The following OSBPL8 variants were observed in gnomAD, a reference collection of about 807,000 sequenced individuals.
The protein encoded by OSBPL8 is oxysterol binding protein like 8, also known as oxysterol-binding protein-related protein 8.
In OSBPL8, 59 loss-of-function variants were observed where a neutral mutation model predicts 125.5. That is an observed-to-expected ratio of 0.47 (90% confidence interval 0.38 to 0.58). OSBPL8 has a LOEUF of 0.58. Ranked by LOEUF, OSBPL8 falls within the 20% of genes least tolerant of loss-of-function variation. The probability of loss-of-function intolerance (pLI) is 0.00; values close to 1 mark genes in which losing one functional copy is unlikely to be tolerated. For synonymous variants in OSBPL8, 330 were observed against 338.9 expected, an observed-to-expected ratio of 0.97 and a Z score of 0.29; for missense variants, 758 against 1,047.8, an observed-to-expected ratio of 0.72 and a Z score of 3.82.
At chr12:76,533,710 C>G (rs1950414536) in intron 1 of OSBPL8, among the ~76,000 whole-genome samples, 1 of 152,284 alleles carries the variant, frequency 6.6e-6, no homozygotes, top group Non-Finnish European at 1.5e-5. Context: ...AAATTCTAAG[C>G]TGTTATCAAG....
At chr12:76,414,925 T>TTCTA (rs1868444659) in intron 4 of OSBPL8, among the ~76,000 whole-genome samples, 1 of 152,228 alleles carries the variant, frequency 6.6e-6, no homozygotes, top group Non-Finnish European at 1.5e-5. Context: ...TTTCTAATGT[T>TTCTA]AAGTCAATCC....
At chr12:76,539,796 C>T (rs866977304) in intron 1 of OSBPL8, among the ~76,000 whole-genome samples, 1 of 152,138 alleles carries the variant, frequency 6.6e-6, no homozygotes, top group Non-Finnish European at 1.5e-5. Flanking sequence ...GAAGATAGCA[C>T]GATCCCTCAA....
chr12:76,390,058 A>G, intron 11 of OSBPL8: 1 of 407,064 alleles, frequency 2.5e-6, no homozygotes, highest in South Asian at 8.9e-5. Context: ...CACTACAAAA[A>G]TATTATAGCC....
chr12:76,357,841 G>T (rs929923729), intron 22 of OSBPL8, among the ~76,000 whole-genome samples: 1 of 151,504 alleles, frequency 6.6e-6, no homozygotes, highest in Non-Finnish European at 1.5e-5. Context: ...ACTCAGTAGA[G>T]ATTATGGCTT....
At chr12:76,418,186 G>A (rs1411847021) in intron 4 of OSBPL8, among the ~76,000 whole-genome samples, 1 of 151,800 alleles carries the variant, frequency 6.6e-6, no homozygotes, top group African/African-American at 2.4e-5. Flanking sequence ...TGTATTTTTA[G>A]TAGAGATGGG....
intron 4 of OSBPL8, among the ~76,000 whole-genome samples, chr12:76,426,931 T>C (rs941376262): frequency 1.1e-4 from 17 of 152,146 alleles, no homozygotes; most frequent in African/African-American, 4.1e-4. Context: ...TCCTTCCTTC[T>C]ACTCTTTGAG....
At position 76,485,128 on chromosome 12, in the gene OSBPL8, G is replaced by T. The variant is rs183370487; in HGVS notation, c.42+2382C>A. 1.9e-4 allele frequency among the ~76,000 whole-genome samples: 29 copies of T among 151,928 alleles called. 1 individual carries two copies. In the East Asian group the frequency reaches 5.7e-3, roughly 30 times the overall value. The stretch of plus-strand genomic sequence containing the variant: ...AGTAGAGACAGGGTTTCATCATGCT[G>T]GCCAGGCTGGTCTCGAGCTCCTGAC... On this transcript the variant is annotated intron_variant, in intron 2 of 23. Transcript: ENST00000261183.
rs766725056 is a variant in OSBPL8 at position 76,356,013 on chromosome 12, A to G, written c.2546T>C (p.Met849Thr). Reference sequence around the variant, plus strand: ...TGAAACTAAATGATTTCGAAGAGCCATAATATTTCTATAAAAATAAGCAAC... The same window carrying G: ...TGAAACTAAATGATTTCGAAGAGCCGTAATATTTCTATAAAAATAAGCAAC... ...QTQEEIKRNI[M>T]ALRNHLVSST... The change falls in exon 24 of 24, where the codon ATG becomes ACG. Residue 849 changes from methionine (M) to threonine (T), a missense_variant. Met to Thr is a moderately conservative substitution (Grantham distance 81). Around this residue, in one of 3 missense-constraint regions of OSBPL8, gnomAD observed 572 missense variants for 762.0 expected, o/e 0.75. Transcript: ENST00000261183. 6.2e-7 allele frequency: 1 copy of G among 1,606,576 alleles called. No individual in the cohort carries two copies. The highest frequency in any genetic ancestry group is 8.5e-7 in the Non-Finnish European group (1 of 1,177,934).
intron 21 of OSBPL8, among the ~76,000 whole-genome samples, chr12:76,359,576 C>T (rs141062332): frequency 2.0e-5 from 3 of 152,264 alleles, no homozygotes; most frequent in Admixed American, 2.0e-4. Context: ...ATGTATTAGT[C>T]AGTTTTTATG....
intron 12 of OSBPL8, among the ~76,000 whole-genome samples, chr12:76,387,664 T>A (rs1308769495): frequency 6.6e-6 from 1 of 152,154 alleles, no homozygotes; most frequent in Non-Finnish European, 1.5e-5. Context: ...CACAAGCATG[T>A]CTGACAGTCC....
rs1951914868 is a variant in OSBPL8, at chr12:76,354,372, CTCT to C, written c.*1514_*1516del. 1 of 151,730 alleles carries C rather than the reference CTCT, an allele frequency of 6.6e-6. No individual in the cohort carries two copies. Among genetic ancestry groups the C allele is most frequent in the African/African-American group, 2.4e-5 (1 of 41,366 alleles). The allele number at this position is 151,730 out of a possible 1,614,324, so 9.4% of individuals were successfully genotyped here. A position where few individuals can be genotyped will look rare whatever the true frequency, so the allele number is the denominator to read the frequency against. ...TATATTGGTTAGGGAAAAAAGCAGG[CTCT>C]TTTTATCATTTTGATTCTCATAATT... On this transcript the variant is annotated 3_prime_UTR_variant, in exon 24 of 24. Coordinates refer to ENST00000261183, the MANE Select transcript of OSBPL8 (RefSeq NM_020841.5).
At chr12:76,374,223 CAAG>C (rs1323349446) in intron 17 of OSBPL8, among the ~76,000 whole-genome samples, 2 of 151,988 alleles carry the variant, frequency 1.3e-5, no homozygotes, top group Non-Finnish European at 2.9e-5. Context: ...TACTATTGTT[CAAG>C]AACAATTAAT....
rs142895193 is a variant in OSBPL8, at chr12:76,557,224, T to C, written c.-68+2173A>G. ...TACTGTATCAATTCTTTGTCTTTAATGCCTTAATTCAAGTAATCTACTTTT... is the reference window on the plus strand; with the variant it reads ...TACTGTATCAATTCTTTGTCTTTAACGCCTTAATTCAAGTAATCTACTTTT... On this transcript the variant is annotated intron_variant, in intron 1 of 23. Transcript: ENST00000261183. 2.2e-3 allele frequency among the ~76,000 whole-genome samples: 337 copies of C among 152,380 alleles called. 3 individuals are homozygous for C. Among genetic ancestry groups the C allele is most frequent in the African/African-American group, 7.5e-3 (312 of 41,592 alleles).
At chr12:76,366,990 G>A (rs181166952) in intron 21 of OSBPL8, among the ~76,000 whole-genome samples, 5 of 152,224 alleles carry the variant, frequency 3.3e-5, no homozygotes, top group African/African-American at 7.2e-5. Flanking sequence ...AATGTTCCAC[G>A]TACACTTGAG....
At chr12:76,512,217 A>T (rs893748846) in intron 1 of OSBPL8, among the ~76,000 whole-genome samples, 7 of 152,240 alleles carry the variant, frequency 4.6e-5, no homozygotes, top group African/African-American at 1.4e-4. Flanking sequence ...AAGAGAGAAC[A>T]TGCAGTATCT....
intron 4 of OSBPL8, among the ~76,000 whole-genome samples, chr12:76,411,809 C>G (rs1280714807): frequency 6.6e-6 from 1 of 152,028 alleles, no homozygotes; most frequent in Non-Finnish European, 1.5e-5. Context: ...CCTCCCCACT[C>G]CTATAATGAG....
intron 2 of OSBPL8, among the ~76,000 whole-genome samples, chr12:76,467,326 C>T (rs1875571473): frequency 6.6e-6 from 1 of 152,168 alleles, no homozygotes; most frequent in African/African-American, 2.4e-5. Flanking sequence ...ATGCTCAAGG[C>T]TCATTTATCA....
At chr12:76,508,370 A>G (rs1341222772) in intron 1 of OSBPL8, among the ~76,000 whole-genome samples, 1 of 152,218 alleles carries the variant, frequency 6.6e-6, no homozygotes, top group African/African-American at 2.4e-5. Flanking sequence ...AACAGACTGC[A>G]TGTATGGCAG....
chr12:76,526,635 C>CTTTTTTTTT (rs573409160), intron 1 of OSBPL8, among the ~76,000 whole-genome samples: 4 of 64,246 alleles, frequency 6.2e-5, no homozygotes, highest in African/African-American at 1.1e-4. Flanking sequence ...CAGTAAATCT[C>CTTTTTTTTT]TTTTTTTTTT....
Sources: gnomAD v4.1 joint callset for allele counts (sites outside exome capture counted in the v4.1 genomes callset) on GRCh38, gnomAD v4.1.1 for gene constraint, gnomAD v4.1.1 regional missense constraint, MANE v1.5 for transcripts, NCBI Gene and HGNC (gene_info 2026-07-23, HGNC 2026-07-21) for gene names.